The following ZNF346 variants were observed in gnomAD, a reference collection of about 807,000 sequenced individuals.
ZNF346 encodes the protein zinc finger protein 346, also known as double-stranded RNA-binding zinc finger protein JAZ.
In ZNF346, 23 loss-of-function variants were observed where a neutral mutation model predicts 33.7. The ratio of observed to expected loss-of-function variants is 0.68; its 90% CI spans 0.49 to 0.97. The LOEUF is 0.97. ZNF346 is among the 50% of genes least tolerant of loss of function. The probability of loss-of-function intolerance (pLI) is 0.00; values close to 1 mark genes in which losing one functional copy is unlikely to be tolerated. For synonymous variants in ZNF346, 134 were observed against 142.4 expected, an observed-to-expected ratio of 0.94 and a Z score of 0.42; for missense variants, 340 against 371.1, an observed-to-expected ratio of 0.92 and a Z score of 0.69.
intron 4 of ZNF346, among the ~76,000 whole-genome samples, chr5:177,048,352 G>GT (rs376967060): frequency 3.9e-4 from 59 of 152,198 alleles, no homozygotes; most frequent in African/African-American, 1.4e-3. Flanking sequence ...AGTAGGCCGG[G>GT]TGCTCACGCC....
intron 4 of ZNF346, among the ~76,000 whole-genome samples, chr5:177,049,714 C>A (rs1780599807): frequency 6.6e-6 from 1 of 152,194 alleles, no homozygotes; most frequent in South Asian, 2.1e-4. Flanking sequence ...GGCTGGGTCA[C>A]CTTGGGCAAG....
intron 5 of ZNF346, among the ~76,000 whole-genome samples, chr5:177,058,493 ATAAC>A (rs1360627948): frequency 2.0e-5 from 3 of 152,034 alleles, no homozygotes; most frequent in Non-Finnish European, 4.4e-5. Context: ...ATAAAATAAA[ATAAC>A]TAGGCAGAGA....
At chr5:177,023,835 T>TC (rs1776273321) in intron 1 of ZNF346, among the ~76,000 whole-genome samples, 1 of 151,990 alleles carries the variant, frequency 6.6e-6, no homozygotes, top group Non-Finnish European at 1.5e-5. Context: ...AGACTTGTCT[T>TC]CGAAAGTTTA....
chr5:177,068,661 T>C (rs1488662242), downstream of ZNF346, among the ~76,000 whole-genome samples: 1 of 143,186 alleles, frequency 7.0e-6, no homozygotes, highest in Non-Finnish European at 1.5e-5. Flanking sequence ...GCACTCTGAT[T>C]TGGGGCCTGG....
chr5:177,034,900 C>T (rs1778255929), intron 1 of ZNF346, among the ~76,000 whole-genome samples: 1 of 152,252 alleles, frequency 6.6e-6, no homozygotes, highest in Admixed American at 6.5e-5. Context: ...GAAGGAGCCT[C>T]AGAGACTGTA....
chr5:177,048,925 C>T (rs967525112), intron 4 of ZNF346, among the ~76,000 whole-genome samples: 2 of 151,738 alleles, frequency 1.3e-5, no homozygotes, highest in Admixed American at 6.6e-5. Context: ...GCTGGGATTA[C>T]AGGCATGCAC....
Position 177,022,706 on chromosome 5 carries a change from G to A in ZNF346, c.-33G>A, listed in dbSNP as rs571729310. 350 of 1,510,198 alleles carry A rather than the reference G, an allele frequency of 2.3e-4. No homozygotes were observed. Among genetic ancestry groups the A allele is most frequent in the Non-Finnish European group, 3.0e-4 (339 of 1,136,158 alleles). The allele number at this position is 1,510,198 out of a possible 1,614,324, so 93.5% of individuals were successfully genotyped here. A position where few individuals can be genotyped will look rare whatever the true frequency, so the allele number is the denominator to read the frequency against. The stretch of plus-strand genomic sequence containing the variant: ...AATCTCGCGATACCTAGGCGCCTGA[G>A]AGGCTCTCTACCGGTGAGGGTTTGC... On this transcript the variant is annotated 5_prime_UTR_variant, in exon 1 of 7. Coordinates refer to ENST00000358149, the MANE Select transcript of ZNF346 (RefSeq NM_012279.4).
intron 3 of ZNF346, 80 bp downstream of exon 3, chr5:177,041,950 G>A: frequency 1.1e-6 from 1 of 874,900 alleles, no homozygotes; most frequent in Non-Finnish European, 1.9e-6. Flanking sequence ...AAGTCAGACT[G>A]TCTTGGCTTC....
Position 177,051,443 on chromosome 5 carries a change from A to G in ZNF346, c.703+507A>G, listed in dbSNP as rs1322127078. On this transcript the variant is annotated intron_variant, in intron 5 of 6. Transcript: ENST00000358149. Reference sequence around the variant, plus strand: ...GCCCACCTCGGCCTCCCAAAGTGCTAGAATTACAGGCGTGAGCCACCGCGC... The same window carrying G: ...GCCCACCTCGGCCTCCCAAAGTGCTGGAATTACAGGCGTGAGCCACCGCGC... Among the ~76,000 whole-genome samples, 5 of 149,304 alleles carry G rather than the reference A, an allele frequency of 3.3e-5. No individual in the cohort carries two copies. In the East Asian group the frequency reaches 8.2e-4, roughly 24 times the overall value.
At position 177,066,352 on chromosome 5, in the gene ZNF346, A is replaced by G. The variant is rs2149713169; in HGVS notation, c.*1753A>G. Among the ~76,000 whole-genome samples, 1 of 152,166 alleles carries G rather than the reference A, an allele frequency of 6.6e-6. No individual in the cohort carries two copies. Among genetic ancestry groups the G allele is most frequent in the Non-Finnish European group, 1.5e-5 (1 of 68,008 alleles). On this transcript the variant is annotated 3_prime_UTR_variant, in exon 7 of 7. Coordinates refer to ENST00000358149, the MANE Select transcript of ZNF346 (RefSeq NM_012279.4). ...GACACTGTGTCCAGTATGGCTTTCC[A>G]GGCTAATCACTTAGGGCAGAGACCC...
At chr5:177,039,505 A>G (rs1779058396) in intron 1 of ZNF346, among the ~76,000 whole-genome samples, 1 of 151,228 alleles carries the variant, frequency 6.6e-6, no homozygotes, top group Non-Finnish European at 1.5e-5. Flanking sequence ...GCTGGAGTAC[A>G]GTGGCACTAA....
At chr5:177,076,382 A>G (rs1456598509) in intron 8 of ZNF346, among the ~76,000 whole-genome samples, 1 of 152,200 alleles carries the variant, frequency 6.6e-6, no homozygotes, top group East Asian at 1.9e-4. Context: ...CCATCTGTGC[A>G]CTTCCTTGTA....
chr5:177,060,526 G>A (rs1046827572), intron 5 of ZNF346, among the ~76,000 whole-genome samples: 2 of 151,132 alleles, frequency 1.3e-5, no homozygotes, highest in African/African-American at 4.9e-5. Flanking sequence ...AAATAAGTTG[G>A]GCTGGGCACA....
chr5:177,058,944 A>G (rs1782122569), intron 5 of ZNF346, among the ~76,000 whole-genome samples: 1 of 152,206 alleles, frequency 6.6e-6, no homozygotes, highest in Non-Finnish European at 1.5e-5. Context: ...CAGGTTGGCT[A>G]GGCTGGTCTG....
intron 1 of ZNF346, among the ~76,000 whole-genome samples, chr5:177,040,404 G>A (rs1432924378): frequency 6.6e-6 from 1 of 151,992 alleles, no homozygotes; most frequent in Non-Finnish European, 1.5e-5. Flanking sequence ...GGAGTTAGTG[G>A]CACAACCTCA....
intron 4 of ZNF346, among the ~76,000 whole-genome samples, chr5:177,047,718 C>T (rs918248598): frequency 6.6e-6 from 1 of 152,166 alleles, no homozygotes; most frequent in African/African-American, 2.4e-5. Context: ...ATTGCTCAGG[C>T]TGGTCTTGAA....
Position 177,064,579 on chromosome 5 carries a change from T to C in ZNF346, c.865T>C (p.Ser289Pro), listed in dbSNP as rs775375774. The change falls in exon 7 of 7, where the codon TCA becomes CCA. Residue 289 changes from serine (S) to proline (P), a missense_variant. Physicochemically the swap from Ser to Pro is moderately conservative, Grantham distance 74. Transcript: ENST00000358149. ...PMQRQPIQKD[S>P]TTLED ...GCAAAGGCAACCCATTCAGAAAGAC[T>C]CAACCACCTTGGAAGACTAGAGGTG... 8 of 1,614,136 alleles carry C rather than the reference T, an allele frequency of 5.0e-6. No homozygotes were observed. The highest frequency in any genetic ancestry group is 6.8e-6 in the Non-Finnish European group (8 of 1,179,976).
downstream of ZNF346, among the ~76,000 whole-genome samples, chr5:177,071,635 A>C (rs564969320): frequency 6.6e-6 from 1 of 150,710 alleles, no homozygotes; most frequent in South Asian, 2.1e-4. Flanking sequence ...CAGTGAGCTG[A>C]GATCGTGCCA....
intron 1 of ZNF346, among the ~76,000 whole-genome samples, chr5:177,035,172 A>C (rs148181931): frequency 0.01 from 1,543 of 152,114 alleles, 8 homozygotes; most frequent in Non-Finnish European, 0.016. Flanking sequence ...ACATAGCACC[A>C]TGCCTGCCTA....
Sources: allele counts gnomAD v4.1 joint callset (sites outside exome capture counted in the v4.1 genomes callset), GRCh38; gene constraint gnomAD v4.1.1; transcripts MANE v1.5; gene names NCBI Gene and HGNC (gene_info 2026-07-23, HGNC 2026-07-21).